LRP6: variants seen among roughly 807,000 people sequenced by gnomAD.
The protein encoded by LRP6 is LDL receptor related protein 6, also known as low-density lipoprotein receptor-related protein 6.
A neutral mutation model predicts 184.1 loss-of-function variants in LRP6; 43 were observed. The ratio of observed to expected loss-of-function variants is 0.23; its 90% confidence interval spans 0.18 to 0.30. LRP6 has a LOEUF of 0.30. LRP6 is among the 10% of genes least tolerant of loss of function. The pLI is 1.00. For synonymous variants in LRP6, 719 were observed against 684.9 expected, an observed-to-expected ratio of 1.05 and a Z score of -0.78; for missense variants, 1,571 against 2,005.3, an observed-to-expected ratio of 0.78 and a Z score of 4.14.
At chr12:12,164,934 AAAAAAAAAAAAAAAAAAAAAAG>A in intron 8 of LRP6, 123 bp downstream of exon 8, 1 of 260,072 alleles carries the variant, frequency 3.8e-6, no homozygotes, top group Non-Finnish European at 6.8e-6. Flanking sequence ...AAAAAAAAAA[AAAAAAAAAAAAAAAAAAAAAAG>A]GCGGGGGGGC....
intron 1 of LRP6, among the ~76,000 whole-genome samples, chr12:12,261,050 A>G (rs1386854583): frequency 6.6e-6 from 1 of 152,224 alleles, no homozygotes; most frequent in Non-Finnish European, 1.5e-5. Flanking sequence ...TGACAGCCAA[A>G]GCATATATAA....
chr12:12,202,070 C>T (rs191726399), intron 3 of LRP6, among the ~76,000 whole-genome samples: 4 of 152,286 alleles, frequency 2.6e-5, no homozygotes, highest in Admixed American at 2.0e-4. Flanking sequence ...ATCATTAAAA[C>T]ACAAGAATCC....
intron 18 of LRP6, among the ~76,000 whole-genome samples, chr12:12,131,300 G>C (rs553628242): frequency 2.6e-4 from 40 of 151,368 alleles, no homozygotes; most frequent in Non-Finnish European, 4.6e-4. Context: ...AGTAGAGATG[G>C]GGTTTCACCG....
At chr12:12,216,473 T>A (rs1358001495) in intron 2 of LRP6, among the ~76,000 whole-genome samples, 1 of 152,072 alleles carries the variant, frequency 6.6e-6, no homozygotes, top group Non-Finnish European at 1.5e-5. Context: ...AAGAGCTACT[T>A]AGAAGGCAGA....
rs763080877 is a variant in LRP6 at position 12,162,454 on chromosome 12, A to G, written c.2053-35T>C. On this transcript the variant is annotated intron_variant, in intron 9 of 22. Transcript: ENST00000261349. ...AACATTAACAACTAAGTCATATGGC[A>G]TAAGTCTAAACCCTATCCAGAAAGA... The G allele has an allele frequency of 4.7e-5, 72 of 1,542,404 alleles. No homozygotes were observed. The Admixed American group carries it at 6.7e-4, about 14-fold the overall frequency.
chr12:12,158,059 G>A (rs748680892), intron 12 of LRP6, among the ~76,000 whole-genome samples: 4 of 152,158 alleles, frequency 2.6e-5, no homozygotes, highest in Non-Finnish European at 5.9e-5. Context: ...TGCCTACTAT[G>A]TTCATTGCAT....
intron 12 of LRP6, chr12:12,155,504 G>T: frequency 1.2e-6 from 1 of 806,844 alleles, no homozygotes; most frequent in East Asian, 2.4e-5. Context: ...AAAAGTTAAG[G>T]GCAAGATTCT....
chr12:12,165,964 A>G (rs947251070), intron 7 of LRP6, among the ~76,000 whole-genome samples: 2 of 152,230 alleles, frequency 1.3e-5, no homozygotes, highest in Admixed American at 6.5e-5. Flanking sequence ...CCTAATAGTA[A>G]CATTATTAAA....
chr12:12,138,425 T>C lies in LRP6; in HGVS notation c.3507A>G (p.Lys1169=). 6.2e-7 allele frequency: 1 copy of C among 1,614,160 alleles called. No homozygotes were observed. Among genetic ancestry groups the C allele is most frequent in the East Asian group, 2.2e-5 (1 of 44,874 alleles). The change falls in exon 16 of 23, where the codon AAA becomes AAG. Residue 1169 remains lysine, a synonymous_variant. Coordinates refer to ENST00000261349, the MANE Select transcript of LRP6 (RefSeq NM_002336.3). ...TACCCTCTCGACCTGTCATGTCAATTTTTTCAATCATTTGCTGCTGTTTAT... is the reference window on the plus strand; with the variant it reads ...TACCCTCTCGACCTGTCATGTCAATCTTTTCAATCATTTGCTGCTGTTTAT... ...WIDKQQQMIE[K]IDMTGREGRT...
At chr12:12,147,193 AATC>A (rs1225664913) in intron 15 of LRP6, among the ~76,000 whole-genome samples, 170 bp downstream of exon 15, 2 of 152,212 alleles carry the variant, frequency 1.3e-5, no homozygotes, top group African/African-American at 4.8e-5. Context: ...ACAGAGGAGT[AATC>A]ATGTTGACAG....
chr12:12,128,705 A>T (rs74443077), intron 19 of LRP6, among the ~76,000 whole-genome samples: 11,406 of 152,318 alleles, frequency 0.075, 508 homozygotes, highest in Admixed American at 0.11. Context: ...TTTAATGTAA[A>T]TTAAACATCA....
At chr12:12,234,219 G>A (rs1416303925) in intron 2 of LRP6, among the ~76,000 whole-genome samples, 12 of 152,040 alleles carry the variant, frequency 7.9e-5, no homozygotes, top group African/African-American at 2.2e-4. Flanking sequence ...CCCAGGAGGC[G>A]GAGGTTGCCG....
intron 22 of LRP6, among the ~76,000 whole-genome samples, chr12:12,122,034 G>T (rs1949613652): frequency 1.3e-5 from 2 of 152,110 alleles, no homozygotes; most frequent in Admixed American, 1.3e-4. Flanking sequence ...CTGTGTATAG[G>T]TAAGTACCTC....
chr12:12,193,511 AC>A (rs1863671209), intron 3 of LRP6, among the ~76,000 whole-genome samples: 1 of 151,310 alleles, frequency 6.6e-6, no homozygotes, highest in African/African-American at 2.4e-5. Flanking sequence ...AAAAAAAAAG[AC>A]GCAAATTGTG....
chr12:12,159,797 T>A lies in LRP6; in HGVS notation c.2447A>T (p.Glu816Val). 2 of 1,614,134 alleles carry A rather than the reference T, an allele frequency of 1.2e-6. No homozygotes were observed. Among genetic ancestry groups the A allele is most frequent in the Non-Finnish European group, 1.7e-6 (2 of 1,179,992 alleles). The change falls in exon 11 of 23, where the codon GAA becomes GTA. Residue 816 changes from glutamate (E) to valine (V), a missense_variant. By Grantham distance (121) the Glu-to-Val change is moderately radical. Coordinates refer to ENST00000261349, the MANE Select transcript of LRP6 (RefSeq NM_002336.3). ...YWTDLDTNLI[E>V]SSNMLGLNRE... ...AAGCTTACCAAGCATATTTGAAGAT[T>A]CTATTAAGTTGGTGTCCAGGTCTGT...
In LRP6 at chr12:12,244,157, C is replaced by T. The variant is rs532685174; in HGVS notation, c.449+105G>A. 40 of 1,116,272 alleles carry T rather than the reference C, an allele frequency of 3.6e-5. No homozygotes were observed. The South Asian group carries it at 5.0e-4, about 14-fold the overall frequency. 69.1% of individuals were successfully genotyped at this position (1,116,272 alleles called of 1,614,324 possible). On this transcript the variant is annotated intron_variant, in intron 2 of 22. Coordinates refer to ENST00000261349, the MANE Select transcript of LRP6 (RefSeq NM_002336.3). ...AAAGAAGCCCAAAGAATCTAAAATTCCTGTTTTCGATCTTTCTTTTCTCAT... is the reference window on the plus strand; with the variant it reads ...AAAGAAGCCCAAAGAATCTAAAATTTCTGTTTTCGATCTTTCTTTTCTCAT...
At chr12:12,214,094 C>T (rs1397062850) in intron 2 of LRP6, among the ~76,000 whole-genome samples, 1 of 152,084 alleles carries the variant, frequency 6.6e-6, no homozygotes, top group Non-Finnish European at 1.5e-5. Context: ...GTCATCTAAA[C>T]TCCCTGCTAA....
chr12:12,164,955 A>AAAATG, intron 8 of LRP6, 124 bp downstream of exon 8: 1 of 528,568 alleles, frequency 1.9e-6, no homozygotes, highest in East Asian at 3.8e-5. Context: ...AAAAAAAAAA[A>AAAATG]GGCGGGGGGG....
chr12:12,186,495 C>T (rs1353822878), intron 4 of LRP6, among the ~76,000 whole-genome samples: 1 of 152,022 alleles, frequency 6.6e-6, no homozygotes, highest in Non-Finnish European at 1.5e-5. Context: ...ACTCCTGCCT[C>T]AGCCTCCCAA....
Sources: gnomAD v4.1 joint callset for allele counts (sites outside exome capture counted in the v4.1 genomes callset) on GRCh38, gnomAD v4.1.1 for gene constraint, MANE v1.5 for transcripts, NCBI Gene and HGNC (gene_info 2026-07-23, HGNC 2026-07-21) for gene names.